The following RBFOX2 variants were observed in gnomAD, a reference collection of about 807,000 sequenced individuals.
RBFOX2 encodes RNA binding protein fox-1 homolog 2.
In RBFOX2, 10 loss-of-function variants were observed where a neutral mutation model predicts 49.1. The ratio of observed to expected loss-of-function variants is 0.20; its 90% confidence interval spans 0.13 to 0.35. The LOEUF is 0.35. Ranked by LOEUF, RBFOX2 falls within the 10% of genes least tolerant of loss-of-function variation. The probability of loss-of-function intolerance (pLI) is 1.00; values close to 1 mark genes in which losing one functional copy is unlikely to be tolerated. For missense variants in RBFOX2, 323 were observed against 486.9 expected (o/e 0.66, Z 3.17); for synonymous variants, 183 against 187.4 (o/e 0.98, Z 0.19).
At chr22:35,931,204 G>GA (rs1392577778) in intron 1 of RBFOX2, among the ~76,000 whole-genome samples, 1 of 151,104 alleles carries the variant, frequency 6.6e-6, no homozygotes, top group Non-Finnish European at 1.5e-5. Flanking sequence ...GCAACAGTTT[G>GA]AAAAAGCTTT....
chr22:35,903,436 G>C (rs920788240), intron 1 of RBFOX2, among the ~76,000 whole-genome samples: 2 of 152,030 alleles, frequency 1.3e-5, no homozygotes, highest in African/African-American at 4.8e-5. Flanking sequence ...ACCTCTAAAA[G>C]GCAAGTGTTC....
At chr22:35,822,275 TG>T (rs1304435542) in intron 1 of RBFOX2, among the ~76,000 whole-genome samples, 3 of 152,234 alleles carry the variant, frequency 2.0e-5, no homozygotes, top group Non-Finnish European at 4.4e-5. Flanking sequence ...TGCTTTCCAT[TG>T]ACAATAATGT....
intron 1 of RBFOX2, among the ~76,000 whole-genome samples, chr22:35,872,158 G>C (rs1025861305): frequency 5.3e-5 from 8 of 152,174 alleles, no homozygotes; most frequent in African/African-American, 1.7e-4. Context: ...CTTAGAATTC[G>C]ACATGTTAAT....
At chr22:35,788,949 C>T (rs114461427) in intron 2 of RBFOX2, among the ~76,000 whole-genome samples, 3,513 of 152,210 alleles carry the variant, frequency 0.023, 152 homozygotes, top group African/African-American at 0.08. Flanking sequence ...CTCTAATTTT[C>T]ACATCTCTTC....
intron 1 of RBFOX2, chr22:35,897,158 C>T: frequency 3.6e-6 from 2 of 562,234 alleles, no homozygotes; most frequent in East Asian, 2.9e-5. Context: ...ATGGTGGGAT[C>T]TTATTCACTG....
upstream of RBFOX2, among the ~76,000 whole-genome samples, chr22:35,943,802 G>A (rs961674033): frequency 6.6e-6 from 1 of 152,314 alleles, no homozygotes; most frequent in Non-Finnish European, 1.5e-5. Flanking sequence ...CTACTCGGGA[G>A]GCTGAGGCAG....
chr22:35,928,456 C>T lies in RBFOX2; in HGVS notation c.-34+10391G>A, dbSNP rs987982277. On this transcript the variant is annotated intron_variant, in intron 1 of 13. Coordinates refer to the RBFOX2 transcript ENST00000359369. ...CCCAAACATGCTTGCCACCAAGCAT[C>T]GGGAGAAGGCTGTAGCCAAGCACGA... Among the ~76,000 whole-genome samples, 7 of 152,278 alleles carry T rather than the reference C, an allele frequency of 4.6e-5. 1 individual carries two copies. The South Asian group carries it at 1.2e-3, about 27-fold the overall frequency.
chr22:36,011,216 G>C (rs1221414083), intron 1 of RBFOX2, among the ~76,000 whole-genome samples: 1 of 152,110 alleles, frequency 6.6e-6, no homozygotes, highest in Non-Finnish European at 1.5e-5. Flanking sequence ...AAAGACCAGG[G>C]GCAGCTGACT....
At chr22:35,987,483 A>C (rs2057772368) in intron 1 of RBFOX2, among the ~76,000 whole-genome samples, 2 of 152,246 alleles carry the variant, frequency 1.3e-5, no homozygotes, top group African/African-American at 4.8e-5. Flanking sequence ...ACAACTTTTC[A>C]AAATTCAAAT....
At chr22:35,921,362 C>A (rs2051003215) in intron 1 of RBFOX2, among the ~76,000 whole-genome samples, 1 of 152,158 alleles carries the variant, frequency 6.6e-6, no homozygotes, top group Non-Finnish European at 1.5e-5. Flanking sequence ...GATTACTGGA[C>A]CCCATCCTCA....
chr22:35,912,312 C>G (rs998968446), intron 1 of RBFOX2, among the ~76,000 whole-genome samples: 1 of 152,216 alleles, frequency 6.6e-6, no homozygotes, highest in Admixed American at 6.5e-5. Flanking sequence ...AATACCAACC[C>G]ATCTTTCATT....
At chr22:35,917,421 G>C (rs958956539) in intron 1 of RBFOX2, among the ~76,000 whole-genome samples, 5 of 152,174 alleles carry the variant, frequency 3.3e-5, no homozygotes, top group Admixed American at 6.5e-5. Flanking sequence ...AATGAGGGGA[G>C]GGGACAGTGA....
At chr22:35,775,829 G>T (rs1425210074) in intron 4 of RBFOX2, among the ~76,000 whole-genome samples, 1 of 118,954 alleles carries the variant, frequency 8.4e-6, no homozygotes, top group African/African-American at 3.7e-5. Context: ...GCAACAGAGC[G>T]AGAATCTGCC....
intron 1 of RBFOX2, among the ~76,000 whole-genome samples, chr22:35,834,491 T>C (rs562824406): frequency 1.3e-5 from 2 of 152,128 alleles, no homozygotes; most frequent in South Asian, 2.1e-4. Context: ...CAAACAAACA[T>C]ATAACAATCA....
intron 10 of RBFOX2, 107 bp downstream of exon 12, chr22:35,746,366 A>T: frequency 9.5e-7 from 1 of 1,048,088 alleles, no homozygotes; most frequent in Non-Finnish European, 1.4e-6. Flanking sequence ...AAGATGCCCG[A>T]TGTGCTAAGA....
chr22:35,947,823 T>C (rs1032682268), intron 1 of RBFOX2, among the ~76,000 whole-genome samples: 6 of 151,896 alleles, frequency 4.0e-5, no homozygotes, highest in African/African-American at 1.5e-4. Flanking sequence ...GTTAAAAAAA[T>C]TTTAAAGTTT....
At chr22:35,874,428 G>A (rs992088329) in intron 1 of RBFOX2, among the ~76,000 whole-genome samples, 16 of 152,112 alleles carry the variant, frequency 1.1e-4, no homozygotes, top group African/African-American at 3.9e-4. Context: ...CAGGAAAGGG[G>A]TGGATGGAGG....
intron 4 of RBFOX2, among the ~76,000 whole-genome samples, chr22:35,776,160 A>C (rs903589064): frequency 6.6e-6 from 1 of 152,178 alleles, no homozygotes; most frequent in South Asian, 2.1e-4. Flanking sequence ...TGTGCTTCTT[A>C]TCTCTAAACC....
chr22:35,897,689 GTTGT>G (rs767205323), intron 1 of RBFOX2: 35 of 1,132,338 alleles, frequency 3.1e-5, no homozygotes, highest in Non-Finnish European at 4.3e-5. Context: ...ACGTATACTG[GTTGT>G]TTAACTGCCT....
Sources: allele counts gnomAD v4.1 joint callset (sites outside exome capture counted in the v4.1 genomes callset), GRCh38; gene constraint gnomAD v4.1.1; transcripts MANE v1.5; gene names NCBI Gene and HGNC (gene_info 2026-07-23, HGNC 2026-07-21).